The following ADGRV1 variants were observed in gnomAD, a reference collection of about 807,000 sequenced individuals.
ADGRV1 encodes adhesion G protein-coupled receptor V1, also known as G-protein coupled receptor 98.
In ADGRV1, 359 loss-of-function variants were observed where a neutral mutation model predicts 596.2. The ratio of observed to expected loss-of-function variants is 0.60; its 90% CI spans 0.55 to 0.66. The LOEUF is 0.66. ADGRV1 is among the 30% of genes least tolerant of loss of function. ADGRV1 has a pLI of 0.00. For missense variants in ADGRV1, 7,274 were observed against 7,575.6 expected, an observed-to-expected ratio of 0.96 and a Z score of 1.48; for synonymous variants, 2,681 against 2,679.2, an observed-to-expected ratio of 1.00 and a Z score of -0.02.
At position 90,676,133 on chromosome 5, in the gene ADGRV1, C is replaced by A; in HGVS notation, c.5367C>A (p.Phe1789Leu). 6.2e-7 allele frequency: 1 copy of A among 1,604,212 alleles called. No individual in the cohort carries two copies. Among genetic ancestry groups the A allele is most frequent in the Non-Finnish European group, 8.5e-7 (1 of 1,173,932 alleles). ...CAGGAGAAAGATATAAATACATTTT[C>A]ATAAACATCACTGATAATTCTATTC... is the stretch of plus-strand genomic sequence containing the variant. ...FQPGERYKYI[F>L]INITDNSIPE... The change falls in exon 25 of 90, where the codon TTC (phenylalanine) becomes TTA (leucine). Residue 1789 changes from phenylalanine to leucine, a missense_variant. By Grantham distance (22) the Phe-to-Leu change is conservative (BLOSUM62 0). Around this residue, in one of 5 missense-constraint regions of ADGRV1, gnomAD observed 3,643 missense variants for 3,809.2 expected, o/e 0.96. Transcript: ENST00000405460.
At chr5:91,110,035 T>A (rs1792230173) in intron 87 of ADGRV1, among the ~76,000 whole-genome samples, 1 of 152,234 alleles carries the variant, frequency 6.6e-6, no homozygotes. Context: ...ATCTATCATA[T>A]AACCAAATGT....
At chr5:91,035,431 A>G (rs985530331) in intron 85 of ADGRV1, among the ~76,000 whole-genome samples, 7 of 151,962 alleles carry the variant, frequency 4.6e-5, no homozygotes, top group South Asian at 2.1e-4. Context: ...TCCCCAATAT[A>G]TTTTTTAGAA....
At chr5:90,824,823 G>A (rs189368138) in intron 76 of ADGRV1, among the ~76,000 whole-genome samples, 3 of 152,284 alleles carry the variant, frequency 2.0e-5, no homozygotes, top group African/African-American at 7.2e-5. Flanking sequence ...CTGTTTCCAA[G>A]AACCTGTCAT....
At position 90,802,767 on chromosome 5, in the gene ADGRV1, C is replaced by G. The variant is rs755079950; in HGVS notation, c.14546C>G (p.Thr4849Ser). ...TTCCTATCACTGGGCTCTAATTTCA[C>G]TTTGCAACTGGTGACTGTGATGCTT... ...QVFLSLGSNF[T>S]LQLVTVMLVG... Residue 4849 changes from threonine to serine, a missense_variant, in exon 71 of 90, where the codon ACT becomes AGT. By Grantham distance (58) the Thr-to-Ser change is moderately conservative. Transcript: ENST00000405460. 12 of 1,612,672 alleles carry G rather than the reference C, an allele frequency of 7.4e-6. No homozygotes were observed. The highest frequency in any genetic ancestry group is 1.0e-5 in the Non-Finnish European group (12 of 1,179,340).
chr5:90,620,123 G>C lies in ADGRV1; in HGVS notation c.453+942G>C, dbSNP rs1241835082. On this transcript the variant is annotated intron_variant, in intron 4 of 89. Transcript: ENST00000405460. ...TCCTTTGGGTATATACCCAGTAATG[G>C]GATGGCTGGGTCAAATGATATTTCT... Among the ~76,000 whole-genome samples, 5 of 151,992 alleles carry C rather than the reference G, an allele frequency of 3.3e-5. No homozygotes were observed. In the East Asian group the frequency reaches 5.8e-4, roughly 18 times the overall value.
At chr5:91,034,866 G>A (rs1784738577) in intron 85 of ADGRV1, among the ~76,000 whole-genome samples, 1 of 152,118 alleles carries the variant, frequency 6.6e-6, no homozygotes, top group Admixed American at 6.5e-5. Flanking sequence ...GCGCACTGCA[G>A]CCTCAAACTC....
chr5:90,974,449 A>G (rs999858325), intron 84 of ADGRV1, among the ~76,000 whole-genome samples: 1 of 152,220 alleles, frequency 6.6e-6, no homozygotes, highest in Non-Finnish European at 1.5e-5. Flanking sequence ...ACTTCAAACT[A>G]TAGTACAAGG....
At chr5:90,614,778 C>A in intron 1 of ADGRV1, 57 bp from the exon 2 acceptor site, 1 of 1,228,354 alleles carries the variant, frequency 8.1e-7, no homozygotes, top group Non-Finnish European at 1.2e-6. Context: ...ACAATACAAT[C>A]TAATGAGAAT....
At chr5:91,051,202 G>A in intron 85 of ADGRV1, among the ~76,000 whole-genome samples, 1 of 152,144 alleles carries the variant, frequency 6.6e-6, no homozygotes, top group East Asian at 1.9e-4. Flanking sequence ...CTGATTATAT[G>A]CATGTTTTAA....
At chr5:90,804,099 T>C (rs1444374808) in intron 71 of ADGRV1, among the ~76,000 whole-genome samples, 1 of 152,168 alleles carries the variant, frequency 6.6e-6, no homozygotes, top group African/African-American at 2.4e-5. Flanking sequence ...CTTTTGGCAG[T>C]TGCTAAGCAG....
At chr5:90,770,476 C>T (rs1757577455) in intron 59 of ADGRV1, among the ~76,000 whole-genome samples, 2 of 152,094 alleles carry the variant, frequency 1.3e-5, no homozygotes, top group African/African-American at 2.4e-5. Context: ...TAGTCTACTC[C>T]AAACTGATTC....
At position 90,694,551 on chromosome 5, in the gene ADGRV1, C is replaced by G. The variant is rs761372784; in HGVS notation, c.7795C>G (p.Gln2599Glu). The G allele has an allele frequency of 6.2e-7, 1 of 1,613,836 alleles. No homozygotes were observed. The highest frequency in any genetic ancestry group is 8.5e-7 in the Non-Finnish European group (1 of 1,179,824). Residue 2599 changes from glutamine (Q) to glutamate (E), a missense_variant, in exon 33 of 90, where the codon CAG becomes GAG. Transcript: ENST00000405460. Reference protein sequence around the residue: ...TSEDGLFVEVQEQPQTLVELM... With the variant: ...TSEDGLFVEVEEQPQTLVELM... ...CGAAGATGGCTTATTTGTTGAAGTTCAGGAGCAGCCCCAAACCTTGGTGGA... is the reference window on the plus strand; with the variant it reads ...CGAAGATGGCTTATTTGTTGAAGTTGAGGAGCAGCCCCAAACCTTGGTGGA...
intron 50 of ADGRV1, among the ~76,000 whole-genome samples, chr5:90,740,109 C>T (rs1753774204): frequency 6.6e-6 from 1 of 152,186 alleles, no homozygotes; most frequent in Non-Finnish European, 1.5e-5. Context: ...TGGGGCTTGG[C>T]TAAGTCACAG....
chr5:90,639,104 GCACA>G (rs764127320), intron 11 of ADGRV1, among the ~76,000 whole-genome samples: 2 of 107,956 alleles, frequency 1.9e-5, no homozygotes, highest in South Asian at 6.3e-4. Context: ...ACACGCTCGC[GCACA>G]CACACACACA....
chr5:90,677,224 C>T (rs900916132), intron 25 of ADGRV1, among the ~76,000 whole-genome samples: 3 of 152,024 alleles, frequency 2.0e-5, no homozygotes, highest in Admixed American at 6.6e-5. Flanking sequence ...GACTGAGATA[C>T]GAAAATTGTC....
Position 90,637,714 on chromosome 5 carries a change from C to G in ADGRV1, c.2017-11C>G, listed in dbSNP as rs775856194. ...TTAGAAGAAATTGTTCTGTTCTTTT[C>G]TTTTTATAAGGTATACATTCCCTTA... On this transcript the variant is annotated splice_polypyrimidine_tract_variant and intron_variant, in intron 10 of 89. Coordinates refer to ENST00000405460, the MANE Select transcript of ADGRV1 (RefSeq NM_032119.4). 5 of 1,558,092 alleles carry G rather than the reference C, an allele frequency of 3.2e-6. No homozygotes were observed. The African/African-American group carries it at 6.9e-5, about 21-fold the overall frequency.
In ADGRV1 at chr5:91,054,956, A is replaced by G. The variant is rs1165373340; in HGVS notation, c.18153-17491A>G. 2.6e-5 allele frequency among the ~76,000 whole-genome samples: 4 copies of G among 152,212 alleles called. No homozygotes were observed. The South Asian group carries it at 6.2e-4, about 24-fold the overall frequency. Reference sequence around the variant, plus strand: ...GTAGGTAAGTAATCTACATCCCAACATGAAGGCTTAATTACCATTTCCCCT... The same window carrying G: ...GTAGGTAAGTAATCTACATCCCAACGTGAAGGCTTAATTACCATTTCCCCT... On this transcript the variant is annotated intron_variant, in intron 85 of 89. Coordinates refer to ENST00000405460, the MANE Select transcript of ADGRV1 (RefSeq NM_032119.4).
At chr5:91,054,170 C>T (rs188005290) in intron 85 of ADGRV1, among the ~76,000 whole-genome samples, 21 of 149,184 alleles carry the variant, frequency 1.4e-4, no homozygotes, top group African/African-American at 4.7e-4. Flanking sequence ...GAGAGCAAAC[C>T]GGGATGAATG....
At chr5:90,649,654 A>G (rs528522130) in intron 17 of ADGRV1, among the ~76,000 whole-genome samples, 2 of 152,014 alleles carry the variant, frequency 1.3e-5, no homozygotes, top group East Asian at 3.9e-4. Flanking sequence ...ACACCCAGCT[A>G]ATGTTTGTAT....
Sources: allele counts gnomAD v4.1 joint callset (sites outside exome capture counted in the v4.1 genomes callset), GRCh38; gene constraint gnomAD v4.1.1; regional missense constraint gnomAD v4.1.1; transcripts MANE v1.5; gene names NCBI Gene and HGNC (gene_info 2026-07-23, HGNC 2026-07-21).